Variants in CRYBG3 observed in about 807,000 individuals in gnomAD.
CRYBG3 encodes very large A-kinase anchor protein.
A neutral mutation model predicts 244.2 loss-of-function variants in CRYBG3; 127 were observed. That is an observed-to-expected ratio of 0.52 (90% CI 0.45 to 0.60). CRYBG3 has a LOEUF of 0.60. CRYBG3 is among the 20% of genes least tolerant of loss of function. The probability of loss-of-function intolerance (pLI) is 0.00; values close to 1 mark genes in which losing one functional copy is unlikely to be tolerated. For missense variants in CRYBG3, 3,325 were observed against 3,442.5 expected, an observed-to-expected ratio of 0.97 and a Z score of 0.85; for synonymous variants, 1,132 against 1,195.8, an observed-to-expected ratio of 0.95 and a Z score of 1.10.
chr3:97,878,662 G>T (rs2039412123), intron 4 of CRYBG3, among the ~76,000 whole-genome samples: 1 of 152,190 alleles, frequency 6.6e-6, no homozygotes, highest in South Asian at 2.1e-4. Flanking sequence ...GGTACTGTAT[G>T]TGGGAAAATT....
At position 97,854,218 on chromosome 3, in the gene CRYBG3, A is replaced by G. The variant is rs746636263; in HGVS notation, c.217-9999A>G. On this transcript the variant is annotated intron_variant, in intron 2 of 21. Transcript: ENST00000389622. ...CCAGTACCATGCTGTTTTGTTAACT[A>G]TAGCCTTGTAGTATAGTTTGAAGTC... is the stretch of plus-strand genomic sequence containing the variant. Among the ~76,000 whole-genome samples, 5 of 152,130 alleles carry G rather than the reference A, an allele frequency of 3.3e-5. No homozygotes were observed. The East Asian group carries it at 9.6e-4, about 29-fold the overall frequency.
intron 10 of CRYBG3, 110 bp from the exon 11 acceptor site, chr3:97,892,750 A>G (rs2039595007): frequency 8.8e-6 from 5 of 566,764 alleles, no homozygotes; most frequent in African/African-American, 6.0e-5. Flanking sequence ...ATCTCCTCAT[A>G]TTAATTAAAA....
intron 10 of CRYBG3, among the ~76,000 whole-genome samples, chr3:97,890,709 C>T (rs147800248): frequency 6.6e-6 from 1 of 152,182 alleles, no homozygotes; most frequent in East Asian, 1.9e-4. Context: ...GAAGCTATAA[C>T]CTTTTGATTT....
rs895626624 is a variant in CRYBG3, at chr3:97,873,117, A to T, written c.1923A>T (p.Thr641=). The T allele has an allele frequency of 1.3e-6, 2 of 1,535,376 alleles. No individual in the cohort carries two copies. The highest frequency in any genetic ancestry group is 1.7e-6 in the Non-Finnish European group (2 of 1,146,648). Reference sequence around the variant, plus strand: ...CTGAAGTATCACCTGATGCTAAAACATCTCTTAGCCTTGACTGTAAAAAAC... The same window carrying T: ...CTGAAGTATCACCTGATGCTAAAACTTCTCTTAGCCTTGACTGTAAAAAAC... The part of the protein sequence containing the change: ...QQAEVSPDAK[T]SLSLDCKKLN... The change falls in exon 4 of 22, where the codon ACA becomes ACT. Residue 641 remains threonine (T), a synonymous_variant. Transcript: ENST00000389622.
intron 10 of CRYBG3, among the ~76,000 whole-genome samples, chr3:97,892,348 A>T (rs1373655733): frequency 6.6e-6 from 1 of 152,108 alleles, no homozygotes; most frequent in Non-Finnish European, 1.5e-5. Flanking sequence ...AAACAAGATG[A>T]ATTTTTTCCT....
intron 2 of CRYBG3, among the ~76,000 whole-genome samples, chr3:97,859,484 A>C (rs2039115191): frequency 6.6e-6 from 1 of 152,196 alleles, no homozygotes; most frequent in South Asian, 2.1e-4. Context: ...GGTACCATGA[A>C]AGCCAGGATT....
chr3:97,889,221 C>A, intron 9 of CRYBG3, 134 bp from the exon 10 acceptor site: 1 of 701,320 alleles, frequency 1.4e-6, no homozygotes, highest in Non-Finnish European at 2.4e-6. Context: ...AAATTTAGCA[C>A]AATTTGAATT....
intron 7 of CRYBG3, among the ~76,000 whole-genome samples, chr3:97,885,712 A>C (rs879293420): frequency 6.6e-6 from 1 of 152,202 alleles, no homozygotes; most frequent in African/African-American, 2.4e-5. Flanking sequence ...AGATAGCATG[A>C]AGACCAATAT....
chr3:97,864,455 C>T lies in CRYBG3; in HGVS notation c.455C>T (p.Thr152Ile). The T allele has an allele frequency of 6.5e-7, 1 of 1,535,862 alleles. No homozygotes were observed. The highest frequency in any genetic ancestry group is 8.7e-7 in the Non-Finnish European group (1 of 1,146,784). ...TCTTTCAAAGATGACCAGGATAAAA[C>T]TGAGAAGGATTTACAAAATCCCAGT... is the stretch of plus-strand genomic sequence containing the variant. ...QSSFKDDQDK[T>I]EKDLQNPSDH... Residue 152 changes from threonine (T) to isoleucine (I), a missense_variant, in exon 3 of 22, where the codon ACT (threonine) becomes ATT (isoleucine). By Grantham distance (89) the Thr-to-Ile change is moderately conservative. Transcript: ENST00000389622.
At position 97,874,260 on chromosome 3, in the gene CRYBG3, A is replaced by C; in HGVS notation, c.3066A>C (p.Ala1022=). 1 of 1,535,226 alleles carries C rather than the reference A, an allele frequency of 6.5e-7. No individual in the cohort carries two copies. The highest frequency in any genetic ancestry group is 1.4e-5 in the African/African-American group (1 of 73,130). The change falls in exon 4 of 22, where the codon GCA becomes GCC. Residue 1022 remains alanine (A), a synonymous_variant. Coordinates refer to ENST00000389622, the MANE Select transcript of CRYBG3 (RefSeq NM_153605.4). ...CCAGTTTGGAAAAAAATTCTTCTGC[A>C]TCTGAGGACTCAAGCTTCCTTAAAG... ...SDSSLEKNSS[A]SEDSSFLKVP...
intron 1 of CRYBG3, 29 bp downstream of exon 1, chr3:97,822,384 G>A (rs1387533888): frequency 4.1e-6 from 6 of 1,445,800 alleles, no homozygotes; most frequent in Non-Finnish European, 5.5e-6. Flanking sequence ...GTCGCGGGGG[G>A]GCCCTGCACA....
At chr3:97,845,117 T>C (rs1042027457) in intron 2 of CRYBG3, among the ~76,000 whole-genome samples, 7 of 152,208 alleles carry the variant, frequency 4.6e-5, no homozygotes, top group Non-Finnish European at 8.8e-5. Context: ...ATAACAAATA[T>C]GTATTTTGGT....
chr3:97,873,714 G>C lies in CRYBG3; in HGVS notation c.2520G>C (p.Lys840Asn). Residue 840 changes from lysine (K) to asparagine (N), a missense_variant, in exon 4 of 22, where the codon AAG becomes AAC. Physicochemically the swap from Lys to Asn is moderately conservative, Grantham distance 94. This residue lies in a region of CRYBG3 where 1,526 missense variants were observed against 1,443.2 expected (regional missense o/e 1.06). Coordinates refer to ENST00000389622, the MANE Select transcript of CRYBG3 (RefSeq NM_153605.4). ...SGRGKTISLSKVSLSKVEPRN... is the reference protein window; with the variant it reads ...SGRGKTISLSNVSLSKVEPRN... ...GAGGAAAAACTATATCCTTGTCCAA[G>C]GTATCTCTTTCAAAAGTGGAGCCCA... 6.5e-7 allele frequency: 1 copy of C among 1,535,902 alleles called. No individual in the cohort carries two copies. The highest frequency in any genetic ancestry group is 8.7e-7 in the Non-Finnish European group (1 of 1,146,822).
At chr3:97,929,286 AT>A (rs773670467) in intron 17 of CRYBG3, among the ~76,000 whole-genome samples, 1 of 151,408 alleles carries the variant, frequency 6.6e-6, no homozygotes, top group African/African-American at 2.4e-5. Context: ...TTTTTTTTTT[AT>A]GCTTGGAAAG....
At chr3:97,903,956 G>A (rs2039734559) in intron 15 of CRYBG3, among the ~76,000 whole-genome samples, 1 of 152,120 alleles carries the variant, frequency 6.6e-6, no homozygotes, top group African/African-American at 2.4e-5. Flanking sequence ...AGAAGGATGG[G>A]TGTAGTCTGG....
intron 10 of CRYBG3, among the ~76,000 whole-genome samples, chr3:97,892,113 G>C (rs1042034940): frequency 6.6e-6 from 1 of 152,074 alleles, no homozygotes; most frequent in Non-Finnish European, 1.5e-5. Context: ...ATAATTCTTT[G>C]AAGAAATGCT....
chr3:97,857,132 G>A (rs1247749265), intron 2 of CRYBG3, among the ~76,000 whole-genome samples: 3 of 151,582 alleles, frequency 2.0e-5, no homozygotes, highest in Middle Eastern at 3.4e-3. Context: ...TTTTTTCATC[G>A]GTCATTCAGG....
intron 7 of CRYBG3, among the ~76,000 whole-genome samples, chr3:97,883,141 T>C (rs1294596155): frequency 6.6e-6 from 1 of 152,148 alleles, no homozygotes; most frequent in Non-Finnish European, 1.5e-5. Context: ...CTGGGAGATA[T>C]GAGGGAGTTC....
At position 97,874,248 on chromosome 3, in the gene CRYBG3, A is replaced by G; in HGVS notation, c.3054A>G (p.Lys1018=). The change falls in exon 4 of 22, where the codon AAA becomes AAG. Residue 1018 remains lysine, a synonymous_variant. Coordinates refer to ENST00000389622, the MANE Select transcript of CRYBG3 (RefSeq NM_153605.4). ...TGGATTCTGATTCCAGTTTGGAAAAAAATTCTTCTGCATCTGAGGACTCAA... is the reference window on the plus strand; with the variant it reads ...TGGATTCTGATTCCAGTTTGGAAAAGAATTCTTCTGCATCTGAGGACTCAA... ...PFLDSDSSLE[K]NSSASEDSSF... The G allele has an allele frequency of 6.5e-7, 1 of 1,535,238 alleles. No individual in the cohort carries two copies. Among genetic ancestry groups the G allele is most frequent in the Middle Eastern group, 1.7e-4 (1 of 5,986 alleles).
Sources: allele counts gnomAD v4.1 joint callset (sites outside exome capture counted in the v4.1 genomes callset), GRCh38; gene constraint gnomAD v4.1.1; regional missense constraint gnomAD v4.1.1; transcripts MANE v1.5; gene names NCBI Gene and HGNC (gene_info 2026-07-23, HGNC 2026-07-21).